The following PADI6 variants were observed in gnomAD, a reference collection of about 807,000 sequenced individuals.
PADI6 encodes the protein peptidyl arginine deiminase 6.
A neutral mutation model predicts 78.2 loss-of-function variants in PADI6; 66 were observed. The ratio of observed to expected loss-of-function variants is 0.84; its 90% CI spans 0.69 to 1.04. The LOEUF (loss-of-function observed/expected upper bound fraction) is 1.04. Among genes scored for constraint, PADI6 ranks in the 50% least tolerant of loss-of-function variants. The pLI is 0.00. For missense variants in PADI6, 854 were observed against 866.1 expected (o/e 0.99, Z 0.18); for synonymous variants, 397 against 346.9 (o/e 1.14, Z -1.60).
chr1:17,373,497 A>AT (rs1434431408), intron 2 of PADI6, among the ~76,000 whole-genome samples: 11 of 112,468 alleles, frequency 9.8e-5, no homozygotes, highest in African/African-American at 3.0e-4. Flanking sequence ...TCATTTATTT[A>AT]TTATTATTTT....
chr1:17,394,441 AG>A lies in PADI6; in HGVS notation c.1325del (p.Ser442ThrfsTer11). On this transcript the variant is annotated frameshift_variant, in exon 11 of 16. Transcript: ENST00000619609. LOFTEE classifies it high-confidence loss of function. ...YPLGRVLIGSSFYPSAEGRAM... is the reference protein window; with the variant it reads ...YPLGRVLIGSXFYPSAEGRAM... Reference sequence around the variant, plus strand: ...GCTGGGCAGAGTCCTCATTGGCAGCAGCTTTTACCCCAGGTGAGCCACAAAG... The same window carrying A: ...GCTGGGCAGAGTCCTCATTGGCAGCACTTTTACCCCAGGTGAGCCACAAAG... 4 of 1,613,216 alleles carry A rather than the reference AG, an allele frequency of 2.5e-6. No individual in the cohort carries two copies. Among genetic ancestry groups the A allele is most frequent in the Non-Finnish European group, 3.4e-6 (4 of 1,179,506 alleles).
In PADI6 at chr1:17,381,107, G is replaced by A. The variant is rs1357688274; in HGVS notation, c.496G>A (p.Ala166Thr). The change falls in exon 5 of 16, where the codon GCT (alanine) becomes ACT (threonine). Residue 166 changes from alanine to threonine, a missense_variant. Coordinates refer to ENST00000619609, the MANE Select transcript of PADI6 (RefSeq NM_207421.4). ...CATCCTGCTTGTGAATTGCAACCCT[G>A]CTGATGTGGGCCAGCAACTTGAGGA... is the stretch of plus-strand genomic sequence containing the variant. ...GAILLVNCNP[A>T]DVGQQLEDKK... The A allele has an allele frequency of 3.1e-6, 5 of 1,609,936 alleles. No individual in the cohort carries two copies. The highest frequency in any genetic ancestry group is 1.3e-5 in the African/African-American group (1 of 74,964).
At chr1:17,374,589 G>A (rs888868975) in intron 2 of PADI6, among the ~76,000 whole-genome samples, 1 of 152,114 alleles carries the variant, frequency 6.6e-6, no homozygotes, top group African/African-American at 2.4e-5. Flanking sequence ...TTGTCCCACT[G>A]CATTACAGCC....
At chr1:17,384,142 C>CAA (rs564182068) in intron 6 of PADI6, among the ~76,000 whole-genome samples, 2 of 142,218 alleles carry the variant, frequency 1.4e-5, no homozygotes, top group Non-Finnish European at 3.1e-5. Flanking sequence ...GACTCTGTCT[C>CAA]AAAAAAAAAA....
intron 5 of PADI6, among the ~76,000 whole-genome samples, 157 bp from the exon 6 acceptor site, chr1:17,381,810 C>T (rs1222652708): frequency 6.6e-6 from 1 of 152,166 alleles, no homozygotes; most frequent in East Asian, 1.9e-4. Context: ...CTAGAACAAG[C>T]AGTGAAATGG....
At chr1:17,381,884 G>A (rs188669403) in intron 5 of PADI6, 83 bp from the exon 6 acceptor site, 33 of 1,532,524 alleles carry the variant, frequency 2.2e-5, no homozygotes, top group East Asian at 4.6e-5. Context: ...TCAAACTCCC[G>A]GCCCCTCTCT....
In PADI6 at chr1:17,381,974, G is replaced by T. The variant is rs761739312; in HGVS notation, c.561G>T (p.Thr187=). ...GCTTTGTCTTTTGCCCAGAAATAAC[G>T]AATCTGTCCCAGATGACTCTGAATG... ...TKKVIFSEEI[T]NLSQMTLNVQ... The change falls in exon 6 of 16, where the codon ACG becomes ACT. Residue 187 remains threonine (T), a synonymous_variant. Transcript: ENST00000619609. The T allele has an allele frequency of 1.2e-6, 2 of 1,613,646 alleles. No homozygotes were observed. Among genetic ancestry groups the T allele is most frequent in the African/African-American group, 2.7e-5 (2 of 74,894 alleles).
rs759087169 is a variant in PADI6, at chr1:17,398,863, G to C, written c.1851+16G>C. ...CCCTGACCTGGTGAGGGGCGACTGC[G>C]CATCCCTGGGTGGGGGAGGGCCTGT... On this transcript the variant is annotated intron_variant, in intron 15 of 15. Transcript: ENST00000619609. The C allele has an allele frequency of 4.3e-6, 7 of 1,610,878 alleles. No homozygotes were observed. The Admixed American group carries it at 6.7e-5, about 15-fold the overall frequency.
intron 2 of PADI6, among the ~76,000 whole-genome samples, chr1:17,374,762 G>C (rs74058749): frequency 7.9e-5 from 12 of 152,180 alleles, no homozygotes; most frequent in Admixed American, 1.3e-4. Context: ...CTTGAACTTA[G>C]AGGACTAAAG....
chr1:17,379,366 G>T (rs547996640), intron 3 of PADI6, among the ~76,000 whole-genome samples: 1 of 143,284 alleles, frequency 7.0e-6, no homozygotes, highest in Admixed American at 6.8e-5. Context: ...CGCCCGCCTC[G>T]GCCTCCCAAA....
At chr1:17,400,906 G>A (rs1255654380) in intron 15 of PADI6, among the ~76,000 whole-genome samples, 2 of 152,210 alleles carry the variant, frequency 1.3e-5, no homozygotes, top group Admixed American at 6.5e-5. Flanking sequence ...GCGGGGGTGG[G>A]GAGAGTGTTT....
chr1:17,381,845 C>A lies in PADI6; in HGVS notation c.554-122C>A, dbSNP rs917827550. The A allele has an allele frequency of 2.6e-5, 31 of 1,206,356 alleles. 1 individual carries two copies. Among genetic ancestry groups the A allele is most frequent in the Non-Finnish European group, 3.6e-5 (30 of 844,176 alleles). The allele number at this position is 1,206,356 out of a possible 1,614,324, so 74.7% of individuals were successfully genotyped here. On this transcript the variant is annotated intron_variant, in intron 5 of 15. Transcript: ENST00000619609. ...GTAATTCTTCGGGCCTGGGCCCTAGCAAAAGGCAGGGGGTCCTTGGTGCTC... is the reference window on the plus strand; with the variant it reads ...GTAATTCTTCGGGCCTGGGCCCTAGAAAAAGGCAGGGGGTCCTTGGTGCTC...
chr1:17,393,923 G>A (rs2075217768), intron 9 of PADI6, 52 bp from the exon 10 acceptor site: 10 of 1,522,040 alleles, frequency 6.6e-6, no homozygotes, highest in Non-Finnish European at 9.1e-6. Context: ...CCGTAAATGG[G>A]GTCCGGGGAG....
At chr1:17,372,920 A>G in intron 1 of PADI6, 136 bp from the exon 2 acceptor site, 1 of 882,460 alleles carries the variant, frequency 1.1e-6, no homozygotes, top group East Asian at 2.7e-5. Flanking sequence ...GGGTAGGAAT[A>G]AGGACCCCAG....
rs574201723 is a variant in PADI6 at position 17,388,945 on chromosome 1, T to A, written c.962+65T>A. ...TAACTGGCACCCTCTTCTTTCTATA[T>A]GCAGGGCAGGGTGGGTGAAGATGAC... On this transcript the variant is annotated intron_variant, in intron 8 of 15. Transcript: ENST00000619609. 1.4e-4 allele frequency: 184 copies of A among 1,303,190 alleles called. No homozygotes were observed. The African/African-American group carries it at 2.5e-3, about 18-fold the overall frequency. The allele number at this position is 1,303,190 out of a possible 1,614,324, so 80.7% of individuals were successfully genotyped here.
chr1:17,391,118 C>A (rs954192854), intron 8 of PADI6, among the ~76,000 whole-genome samples: 4 of 152,186 alleles, frequency 2.6e-5, no homozygotes, highest in African/African-American at 9.7e-5. Context: ...GAGCTTTGGA[C>A]CTGAAGCCGG....
Position 17,401,567 on chromosome 1 carries a change from G to A in PADI6, c.*129G>A. 1.1e-6 allele frequency: 1 copy of A among 871,366 alleles called. No homozygotes were observed. The allele number at this position is 871,366 out of a possible 1,614,324, so 54.0% of individuals were successfully genotyped here. A position where few individuals can be genotyped will look rare whatever the true frequency, so the allele number is the denominator to read the frequency against. On this transcript the variant is annotated 3_prime_UTR_variant, in exon 16 of 16. Transcript: ENST00000619609. ...CAACAGAACCCTTTCTTCCCTGTCT[G>A]CCCCGACCGACCCTCGGACCCAGTA...
intron 6 of PADI6, among the ~76,000 whole-genome samples, chr1:17,383,428 G>A (rs1004830156): frequency 7.2e-5 from 11 of 152,176 alleles, no homozygotes; most frequent in Admixed American, 2.0e-4. Context: ...GGCCCTGGGA[G>A]GCTACCAGTG....
intron 15 of PADI6, among the ~76,000 whole-genome samples, chr1:17,400,883 G>C (rs4920603): frequency 0.36 from 54,097 of 152,006 alleles, 9,742 homozygotes; most frequent in South Asian, 0.39. Context: ...ATGCGCAGCA[G>C]TCAACTGACA....
Sources: gnomAD v4.1 joint callset for allele counts (sites outside exome capture counted in the v4.1 genomes callset) on GRCh38, gnomAD v4.1.1 for gene constraint, MANE v1.5 for transcripts, NCBI Gene and HGNC (gene_info 2026-07-23, HGNC 2026-07-21) for gene names.